Variants in HIVEP2 observed in about 807,000 individuals in gnomAD.
The protein encoded by HIVEP2 is HIVEP zinc finger 2.
Under a neutral mutation model 180.7 loss-of-function variants are expected in HIVEP2, and 14 were observed. That is an observed-to-expected ratio of 0.08 (90% CI 0.05 to 0.12). HIVEP2 has a LOEUF of 0.12. Ranked by LOEUF, HIVEP2 falls within the 10% of genes least tolerant of loss-of-function variation. The pLI is 1.00. For missense variants in HIVEP2, 2,579 were observed against 3,008.5 expected (o/e 0.86, Z 3.34); for synonymous variants, 1,184 against 1,136.4 (o/e 1.04, Z -0.84).
chr6:142,817,030 G>T (rs750328559), intron 2 of HIVEP2, among the ~76,000 whole-genome samples: 2 of 152,134 alleles, frequency 1.3e-5, no homozygotes, highest in Non-Finnish European at 2.9e-5. Flanking sequence ...ATTAGCAAGG[G>T]CATGAGAGGA....
At chr6:142,778,051 C>T (rs990140403) in intron 3 of HIVEP2, among the ~76,000 whole-genome samples, 1 of 152,144 alleles carries the variant, frequency 6.6e-6, no homozygotes, top group Non-Finnish European at 1.5e-5. Flanking sequence ...AGTAAGACAT[C>T]TGTACTCAAA....
At chr6:142,896,860 T>G (rs537963389) in intron 1 of HIVEP2, among the ~76,000 whole-genome samples, 58 of 152,120 alleles carry the variant, frequency 3.8e-4, no homozygotes, top group Non-Finnish European at 5.9e-4. Context: ...TCAGCACATA[T>G]AAACAGGTTC....
At chr6:142,818,734 AAAGAAAGAAAG>A (rs1776928735) in intron 2 of HIVEP2, among the ~76,000 whole-genome samples, 1 of 17,012 alleles carries the variant, frequency 5.9e-5, no homozygotes, top group African/African-American at 1.9e-4. Context: ...GAAAGAAAGA[AAAGAAAGAAAG>A]AAAGAAAGAA....
intron 1 of HIVEP2, among the ~76,000 whole-genome samples, chr6:142,888,451 A>T (rs572227501): frequency 2.6e-4 from 40 of 152,178 alleles, no homozygotes; most frequent in African/African-American, 4.6e-4. Context: ...ATTTTTAATT[A>T]AAAAAAATTA....
intron 3 of HIVEP2, among the ~76,000 whole-genome samples, chr6:142,782,914 C>T (rs1390182787): frequency 6.6e-6 from 1 of 152,126 alleles, no homozygotes; most frequent in Non-Finnish European, 1.5e-5. Flanking sequence ...TTTCACTTTT[C>T]TACTGAGATG....
Position 142,771,782 on chromosome 6 carries a change from T to C in HIVEP2, c.2957A>G (p.Glu986Gly), listed in dbSNP as rs747628711. 6.2e-7 allele frequency: 1 copy of C among 1,614,194 alleles called. No homozygotes were observed. Residue 986 changes from glutamate to glycine, a missense_variant, in exon 5 of 10, where the codon GAA (glutamate) becomes GGA (glycine). Around this residue, in one of 11 missense-constraint regions of HIVEP2, gnomAD observed 523 missense variants for 577.0 expected, o/e 0.91. Coordinates refer to ENST00000367603, the MANE Select transcript of HIVEP2 (RefSeq NM_006734.4). The surrounding 1 kb of genome is among the most constrained non-coding windows in gnomAD (Gnocchi z 5.4). ...SSSFSMSFER[E>G]ETSKLSALPK... is the part of the protein sequence containing the mutation. The stretch of plus-strand genomic sequence containing the variant: ...AAGTGCAGAAAGCTTACTGGTTTCT[T>C]CTCTTTCAAAAGACATGGAGAAACT...
intron 2 of HIVEP2, among the ~76,000 whole-genome samples, chr6:142,808,607 C>T (rs472288): frequency 0.58 from 82,129 of 142,046 alleles, 24,858 homozygotes; most frequent in Non-Finnish European, 0.69. Context: ...GAGGGATGGA[C>T]AGATAGAGGG....
chr6:142,863,620 G>T (rs1776061825), intron 1 of HIVEP2, among the ~76,000 whole-genome samples: 1 of 152,178 alleles, frequency 6.6e-6, no homozygotes, highest in African/African-American at 2.4e-5. Context: ...AATAAAATAA[G>T]TTTAGAGAAG....
chr6:142,863,398 A>G (rs1368622042), intron 1 of HIVEP2, among the ~76,000 whole-genome samples: 1 of 152,016 alleles, frequency 6.6e-6, no homozygotes, highest in African/African-American at 2.4e-5. Context: ...TCAAAATCTC[A>G]GATTCTTTTG....
intron 1 of HIVEP2, among the ~76,000 whole-genome samples, chr6:142,855,293 G>T (rs1775790097): frequency 6.6e-6 from 1 of 152,182 alleles, no homozygotes; most frequent in Non-Finnish European, 1.5e-5. Flanking sequence ...GGCCACATGA[G>T]AAATGCTGAC....
chr6:142,874,382 C>T (rs903753275), intron 1 of HIVEP2, among the ~76,000 whole-genome samples: 2 of 151,816 alleles, frequency 1.3e-5, no homozygotes, highest in Admixed American at 6.6e-5. Flanking sequence ...TGTTTAGTTG[C>T]TTTTTTAAAA....
chr6:142,898,268 T>C (rs1252365708), intron 1 of HIVEP2, among the ~76,000 whole-genome samples: 1 of 152,144 alleles, frequency 6.6e-6, no homozygotes, highest in Non-Finnish European at 1.5e-5. Context: ...GCACAGGTGA[T>C]AAACTGGAGA....
chr6:142,938,811 A>G (rs1425183706), intron 1 of HIVEP2, among the ~76,000 whole-genome samples: 1 of 152,220 alleles, frequency 6.6e-6, no homozygotes, highest in Admixed American at 6.5e-5. Context: ...TCTTGCAGAG[A>G]AAATGAAACC....
intron 2 of HIVEP2, among the ~76,000 whole-genome samples, chr6:142,791,380 C>T (rs1259257946): frequency 6.6e-6 from 1 of 152,140 alleles, no homozygotes; most frequent in Non-Finnish European, 1.5e-5. Context: ...AATGAATTAA[C>T]TAGATAAAGA....
chr6:142,886,990 G>C (rs896375285), intron 1 of HIVEP2, among the ~76,000 whole-genome samples: 1 of 152,126 alleles, frequency 6.6e-6, no homozygotes, highest in African/African-American at 2.4e-5. Context: ...CTGTGCATAT[G>C]TGTCAACAGT....
intron 9 of HIVEP2, among the ~76,000 whole-genome samples, chr6:142,754,778 A>G (rs1582825861): frequency 1.3e-5 from 2 of 152,350 alleles, no homozygotes; most frequent in South Asian, 4.1e-4. Context: ...TTGGCAATCA[A>G]TGAATTAAGG....
At chr6:142,811,819 A>G in intron 2 of HIVEP2, among the ~76,000 whole-genome samples, 1 of 152,222 alleles carries the variant, frequency 6.6e-6, no homozygotes, top group East Asian at 1.9e-4. Context: ...CAATGAGTAA[A>G]TAAATCCAAA....
chr6:142,787,563 C>T (rs1776032866), intron 2 of HIVEP2, among the ~76,000 whole-genome samples: 1 of 75,036 alleles, frequency 1.3e-5, no homozygotes, highest in Admixed American at 1.2e-4. Context: ...CTTTTCCTCT[C>T]TACAAAAAAA....
At position 142,753,213 on chromosome 6, in the gene HIVEP2, T is replaced by C. The variant is rs1774966087; in HGVS notation, c.7235A>G (p.Lys2412Arg). 1 of 1,613,996 alleles carries C rather than the reference T, an allele frequency of 6.2e-7. No homozygotes were observed. The highest frequency in any genetic ancestry group is 1.3e-5 in the African/African-American group (1 of 74,940). The change falls in exon 10 of 10, where the codon AAG becomes AGG. Residue 2412 changes from lysine to arginine, a missense_variant. Lys to Arg is a conservative substitution (Grantham distance 26). Transcript: ENST00000367603. ...CAACTGCTTGTCATCCACACAACTCTTGCTGTAAAACGTGGAGTGAGCTAA... is the reference window on the plus strand; with the variant it reads ...CAACTGCTTGTCATCCACACAACTCCTGCTGTAAAACGTGGAGTGAGCTAA... ...TPLAHSTFYS[K>R]SCVDDKQLDF...
Sources: gnomAD v4.1 joint callset for allele counts (sites outside exome capture counted in the v4.1 genomes callset) on GRCh38, gnomAD v4.1.1 for gene constraint, gnomAD v4.1.1 regional missense constraint, Gnocchi (gnomAD v3.1) non-coding constraint, MANE v1.5 for transcripts, NCBI Gene and HGNC (gene_info 2026-07-23, HGNC 2026-07-21) for gene names.